ZNF518B: variants seen among roughly 807,000 people sequenced by gnomAD.
ZNF518B encodes the protein zinc finger protein 518B.
A neutral mutation model predicts 56.3 loss-of-function variants in ZNF518B; 23 were observed. The observed-to-expected ratio is 0.41, with a 90% confidence interval of 0.29 to 0.58. The LOEUF (loss-of-function observed/expected upper bound fraction) is 0.58. ZNF518B is among the 20% of genes least tolerant of loss of function. The pLI is 0.32. For missense variants in ZNF518B, 1,460 were observed against 1,272.1 expected (o/e 1.15, Z -2.25); for synonymous variants, 529 against 465.9 (o/e 1.14, Z -1.74).
chr4:10,452,360 A>G (rs1715355084), intron 2 of ZNF518B: 1 of 152,212 alleles, frequency 6.6e-6, no homozygotes, highest in South Asian at 2.1e-4. Context: ...GCCCAATGGC[A>G]TAACCACTTA....
chr4:10,444,218 G>C lies in ZNF518B; in HGVS notation c.2111C>G (p.Ser704Cys). The change falls in exon 3 of 3, where the codon TCT (serine) becomes TGT (cysteine). Residue 704 changes from serine (S) to cysteine (C), a missense_variant. Ser to Cys is a moderately radical substitution (Grantham distance 112). Transcript: ENST00000326756. ...QASKGTSKAT[S>C]EGIQEINVSL... The stretch of plus-strand genomic sequence containing the variant: ...CACGTTGATTTCTTGAATACCTTCA[G>C]AGGTAGCTTTTGAAGTTCCCTTTGA... 2 of 1,614,240 alleles carry C rather than the reference G, an allele frequency of 1.2e-6. No homozygotes were observed. The highest frequency in any genetic ancestry group is 1.7e-6 in the Non-Finnish European group (2 of 1,180,052).
intron 2 of ZNF518B, among the ~76,000 whole-genome samples, chr4:10,446,891 C>T (rs1008585088): frequency 6.6e-6 from 1 of 152,180 alleles, no homozygotes; most frequent in Non-Finnish European, 1.5e-5. Flanking sequence ...ATTACCTTCA[C>T]AAAAATGTTA....
At chr4:10,453,223 T>C (rs1037075840) in intron 2 of ZNF518B, 1 of 152,240 alleles carries the variant, frequency 6.6e-6, no homozygotes, top group Non-Finnish European at 1.5e-5. Context: ...AGAGTAGATG[T>C]TTCGTTAAGA....
Position 10,445,761 on chromosome 4 carries a change from A to T in ZNF518B, c.568T>A (p.Tyr190Asn), listed in dbSNP as rs758854225. Reference sequence around the variant, plus strand: ...CCATAGTCACAATACTCACACTGATAAGGAAATATGCCTGTGTGTTTCACC... The same window carrying T: ...CCATAGTCACAATACTCACACTGATTAGGAAATATGCCTGTGTGTTTCACC... The part of the protein sequence containing the change: ...HLVKHTGIFP[Y>N]QCEYCDYGAI... The change falls in exon 3 of 3, where the codon TAT becomes AAT. Residue 190 changes from tyrosine to asparagine, a missense_variant. Transcript: ENST00000326756. 1.2e-6 allele frequency: 2 copies of T among 1,614,198 alleles called. No individual in the cohort carries two copies. Among genetic ancestry groups the T allele is most frequent in the Non-Finnish European group, 1.7e-6 (2 of 1,180,030 alleles).
rs982142847 is a variant in ZNF518B, at chr4:10,445,214, A to C, written c.1115T>G (p.Leu372Arg). 6.2e-7 allele frequency: 1 copy of C among 1,614,178 alleles called. No individual in the cohort carries two copies. The highest frequency in any genetic ancestry group is 8.5e-7 in the Non-Finnish European group (1 of 1,180,032). ...KLFPLEENNC[L>R]EAGRDNGGNS... ...ACCTCCATTATCCCTCCCAGCTTCA[A>C]GGCAATTATTTTCTTCCAGCGGAAA... The change falls in exon 3 of 3, where the codon CTT (leucine) becomes CGT (arginine). Residue 372 changes from leucine to arginine, a missense_variant. Leu to Arg is a moderately radical substitution (Grantham distance 102). Coordinates refer to ENST00000326756, the MANE Select transcript of ZNF518B (RefSeq NM_053042.3).
chr4:10,453,782 A>G (rs1001180428), intron 2 of ZNF518B: 1 of 152,216 alleles, frequency 6.6e-6, no homozygotes, highest in African/African-American at 2.4e-5. Flanking sequence ...AGAGTTTAAT[A>G]AAACAGTATA....
At chr4:10,448,366 G>A (rs776761188) in intron 2 of ZNF518B, among the ~76,000 whole-genome samples, 11 of 152,028 alleles carry the variant, frequency 7.2e-5, no homozygotes, top group East Asian at 3.9e-4. Flanking sequence ...GACCGACGTC[G>A]GGGAGTTTAA....
chr4:10,445,370 T>C lies in ZNF518B; in HGVS notation c.959A>G (p.Lys320Arg). ...TGGCATACCTGGCTGAACAGGTTCT[T>C]TTGCAGGGGATAACACTTCTACTTC... Reference protein sequence around the residue: ...NVEVEVLSPAKEPVQPGMPLT... With the variant: ...NVEVEVLSPAREPVQPGMPLT... The change falls in exon 3 of 3, where the codon AAA (lysine) becomes AGA (arginine). Residue 320 changes from lysine (K) to arginine (R), a missense_variant. Lys to Arg is a conservative substitution (Grantham distance 26). Coordinates refer to ENST00000326756, the MANE Select transcript of ZNF518B (RefSeq NM_053042.3). 6.2e-7 allele frequency: 1 copy of C among 1,614,236 alleles called. No individual in the cohort carries two copies. The highest frequency in any genetic ancestry group is 1.1e-5 in the South Asian group (1 of 91,086).
At chr4:10,461,292 C>G (rs1045648926), upstream of ZNF518B, among the ~76,000 whole-genome samples, 2 of 152,248 alleles carry the variant, frequency 1.3e-5, no homozygotes, top group Non-Finnish European at 2.9e-5. Flanking sequence ...CGCAGGCCCA[C>G]TCTCTTGGCT....
chr4:10,445,604 A>C lies in ZNF518B; in HGVS notation c.725T>G (p.Leu242Arg). The stretch of plus-strand genomic sequence containing the variant: ...AGTCCGTGGATTGGAAGCTTTTAGA[A>C]GCTCTGGGTTTTGTTTTGAAGTTCC... Reference protein sequence around the residue: ...RTGTSKQNPELLKASNPRTTF... With the variant: ...RTGTSKQNPERLKASNPRTTF... Residue 242 changes from leucine to arginine, a missense_variant, in exon 3 of 3, where the codon CTT (leucine) becomes CGT (arginine). By Grantham distance (102) the Leu-to-Arg change is moderately radical. Coordinates refer to ENST00000326756, the MANE Select transcript of ZNF518B (RefSeq NM_053042.3). 6.2e-7 allele frequency: 1 copy of C among 1,614,120 alleles called. No individual in the cohort carries two copies. The highest frequency in any genetic ancestry group is 1.1e-5 in the South Asian group (1 of 91,074).
chr4:10,442,464 T>C lies in ZNF518B; in HGVS notation c.*640A>G, dbSNP rs1714724932. The stretch of plus-strand genomic sequence containing the variant: ...ATGTTATCTTTCTTCTAACACTTGC[T>C]GTGAAAGGAGTAAATTCAGGCAAGC... On this transcript the variant is annotated 3_prime_UTR_variant, in exon 3 of 3. Transcript: ENST00000326756. 1 of 152,262 alleles carries C rather than the reference T, an allele frequency of 6.6e-6. No individual in the cohort carries two copies. Among genetic ancestry groups the C allele is most frequent in the East Asian group, 1.9e-4 (1 of 5,200 alleles). 9.4% of individuals were successfully genotyped at this position (152,262 alleles called of 1,614,324 possible). A position where few individuals can be genotyped will look rare whatever the true frequency, so the allele number is the denominator to read the frequency against.
intron 2 of ZNF518B, among the ~76,000 whole-genome samples, chr4:10,447,695 G>A (rs1715126206): frequency 6.8e-6 from 1 of 146,846 alleles, no homozygotes; most frequent in African/African-American, 2.6e-5. Context: ...TGTTGCCCAG[G>A]CTGGAGTGCA....
chr4:10,449,247 C>T (rs546407798), intron 2 of ZNF518B, among the ~76,000 whole-genome samples: 5 of 152,234 alleles, frequency 3.3e-5, no homozygotes, highest in African/African-American at 1.2e-4. Context: ...TCCCAGGCTT[C>T]ATCTCAAAGC....
At chr4:10,460,614 C>T (rs1208158781), upstream of ZNF518B, among the ~76,000 whole-genome samples, 1 of 152,162 alleles carries the variant, frequency 6.6e-6, no homozygotes. Flanking sequence ...TTAGATCATT[C>T]TAGGCGTCTA....
chr4:10,444,277 T>C lies in ZNF518B; in HGVS notation c.2052A>G (p.Ser684=), dbSNP rs1184723589. Residue 684 remains serine, a synonymous_variant, in exon 3 of 3, where the codon TCA becomes TCG. Transcript: ENST00000326756. The part of the protein sequence containing the change: ...ESCGKPSSLA[S]NSAHRRSVGQ... ...CTACAGAGCGACGATGTGCACTATT[T>C]GAAGCCAAAGATGACGGCTTCCCAC... is the stretch of plus-strand genomic sequence containing the variant. The C allele has an allele frequency of 5.0e-6, 8 of 1,614,186 alleles. No individual in the cohort carries two copies. Among genetic ancestry groups the C allele is most frequent in the Non-Finnish European group, 5.9e-6 (7 of 1,180,030 alleles).
Position 10,444,271 on chromosome 4 carries a change from A to C in ZNF518B, c.2058T>G (p.Ser686Arg). Residue 686 changes from serine (S) to arginine (R), a missense_variant, in exon 3 of 3, where the codon AGT becomes AGG. Coordinates refer to ENST00000326756, the MANE Select transcript of ZNF518B (RefSeq NM_053042.3). ...CGKPSSLASN[S>R]AHRRSVGQAS... ...CCTGCCCTACAGAGCGACGATGTGC[A>C]CTATTTGAAGCCAAAGATGACGGCT... is the stretch of plus-strand genomic sequence containing the variant. 6.2e-7 allele frequency: 1 copy of C among 1,614,220 alleles called. No homozygotes were observed. Among genetic ancestry groups the C allele is most frequent in the Non-Finnish European group, 8.5e-7 (1 of 1,180,028 alleles).
At chr4:10,458,142 C>T (rs1051316257), upstream of ZNF518B, among the ~76,000 whole-genome samples, 2 of 152,100 alleles carry the variant, frequency 1.3e-5, no homozygotes, top group Non-Finnish European at 2.9e-5. Context: ...CCTGCATCTA[C>T]GGTCCGGAAG....
intron 2 of ZNF518B, chr4:10,453,425 C>T (rs975572238): frequency 2.4e-4 from 37 of 152,236 alleles, no homozygotes; most frequent in African/African-American, 8.4e-4. Context: ...TGGAGATTGA[C>T]TTGACACTGC....
At position 10,445,509 on chromosome 4, in the gene ZNF518B, T is replaced by C; in HGVS notation, c.820A>G (p.Asn274Asp). The C allele has an allele frequency of 8.1e-6, 13 of 1,614,206 alleles. No homozygotes were observed. Among genetic ancestry groups the C allele is most frequent in the Non-Finnish European group, 1.0e-5 (12 of 1,180,026 alleles). The change falls in exon 3 of 3, where the codon AAT becomes GAT. Residue 274 changes from asparagine (N) to aspartate (D), a missense_variant. By Grantham distance (23) the Asn-to-Asp change is conservative. Transcript: ENST00000326756. The part of the protein sequence containing the change: ...SLHANKDKMH[N>D]IMLLPEPKEY... ...TTTGGTTCAGGTAACAACATGATAT[T>C]GTGCATTTTGTCTTTATTTGCATGG...
Sources: allele counts gnomAD v4.1 joint callset (sites outside exome capture counted in the v4.1 genomes callset), GRCh38; gene constraint gnomAD v4.1.1; transcripts MANE v1.5; gene names NCBI Gene and HGNC (gene_info 2026-07-23, HGNC 2026-07-21).